Variants in SIL1 observed in about 807,000 individuals in gnomAD.
The protein encoded by SIL1 is SIL1 nucleotide exchange factor, also known as nucleotide exchange factor SIL1.
A neutral mutation model predicts 49.1 loss-of-function variants in SIL1; 40 were observed. That is an observed-to-expected ratio of 0.81 (90% CI 0.63 to 1.06). The LOEUF (loss-of-function observed/expected upper bound fraction) is 1.06. Ranked by LOEUF, SIL1 falls within the 50% of genes least tolerant of loss-of-function variation. The pLI is 0.00. For synonymous variants in SIL1, 253 were observed against 250.8 expected, an observed-to-expected ratio of 1.01 and a Z score of -0.08; for missense variants, 500 against 572.6, an observed-to-expected ratio of 0.87 and a Z score of 1.29.
At chr5:139,158,006 G>A (rs13156102) in intron 1 of SIL1, among the ~76,000 whole-genome samples, 60,130 of 151,884 alleles carry the variant, frequency 0.4, 12,938 homozygotes, top group South Asian at 0.51. Context: ...CTGATTTTTC[G>A]TCAGTATCCC....
In SIL1 at chr5:138,947,148, G is replaced by A; in HGVS notation, c.1355C>T (p.Ser452Phe). ...CAGCTCCTTCAGCAAGCTGTTGACAGAGCCCAGCAGCTCCTGGAAGTAGCC... is the reference window on the plus strand; with the variant it reads ...CAGCTCCTTCAGCAAGCTGTTGACAAAGCCCAGCAGCTCCTGGAAGTAGCC... ...DEGYFQELLG[S>F]VNSLLKELR The change falls in exon 10 of 10, where the codon TCT (serine) becomes TTT (phenylalanine). Residue 452 changes from serine to phenylalanine, a missense_variant. Transcript: ENST00000394817. This position sits in a 1 kb window ranked among gnomAD's most constrained non-coding sequence, Gnocchi z 4.1. 6.2e-7 allele frequency: 1 copy of A among 1,613,598 alleles called. No individual in the cohort carries two copies. Among genetic ancestry groups the A allele is most frequent in the Non-Finnish European group, 8.5e-7 (1 of 1,179,828 alleles).
chr5:139,011,258 G>A (rs1468316098), intron 7 of SIL1, among the ~76,000 whole-genome samples: 1 of 151,732 alleles, frequency 6.6e-6, no homozygotes, highest in Non-Finnish European at 1.5e-5. Flanking sequence ...TCTTTGACTC[G>A]GAAAGGGAAC....
chr5:139,096,705 C>T (rs2151779712), intron 3 of SIL1, among the ~76,000 whole-genome samples: 1 of 152,022 alleles, frequency 6.6e-6, no homozygotes, highest in African/African-American at 2.4e-5. Context: ...CACACCCTGG[C>T]CAAAAGGGAA....
chr5:138,991,227 C>T (rs371210956), intron 7 of SIL1, among the ~76,000 whole-genome samples: 13 of 152,238 alleles, frequency 8.5e-5, no homozygotes, highest in African/African-American at 2.7e-4. Context: ...AATCTTTTCC[C>T]AGCAGCCTGG....
At chr5:138,952,148 G>A (rs1390724621) in intron 7 of SIL1, among the ~76,000 whole-genome samples, 1 of 152,230 alleles carries the variant, frequency 6.6e-6, no homozygotes, top group African/African-American at 2.4e-5. Context: ...GAGTGGGCTG[G>A]GAAGGTGAAC....
At chr5:139,035,178 G>GT (rs760629149) in intron 5 of SIL1, 25 of 383,880 alleles carry the variant, frequency 6.5e-5, no homozygotes, top group Non-Finnish European at 1.3e-4. Context: ...CTGCACCACT[G>GT]TTGATGTCAT....
intron 7 of SIL1, among the ~76,000 whole-genome samples, chr5:138,993,578 C>T (rs909835473): frequency 9.9e-5 from 15 of 152,254 alleles, no homozygotes; most frequent in African/African-American, 2.9e-4. Context: ...GATTACACTA[C>T]GTAAGACGGT....
chr5:139,008,852 T>C (rs1768183775), intron 7 of SIL1, among the ~76,000 whole-genome samples: 1 of 152,220 alleles, frequency 6.6e-6, no homozygotes, highest in Non-Finnish European at 1.5e-5. Flanking sequence ...TCTGTTCTTT[T>C]ACATTTGCTG....
chr5:139,075,013 T>C (rs1444524524), intron 3 of SIL1, among the ~76,000 whole-genome samples: 1 of 152,058 alleles, frequency 6.6e-6, no homozygotes, highest in Non-Finnish European at 1.5e-5. Flanking sequence ...TTAGTAGAGA[T>C]GGGGTTTCAC....
intron 7 of SIL1, among the ~76,000 whole-genome samples, chr5:138,995,403 C>T (rs1436111872): frequency 6.6e-6 from 1 of 152,034 alleles, no homozygotes; most frequent in Non-Finnish European, 1.5e-5. Flanking sequence ...CACCACCACG[C>T]CTGGCTAATT....
intron 2 of SIL1, 63 bp from the exon 3 acceptor site, chr5:139,121,236 A>T: frequency 6.2e-7 from 1 of 1,611,060 alleles, no homozygotes; most frequent in Non-Finnish European, 8.5e-7. Context: ...CAGAAAAAAA[A>T]TGGCCTAGGG....
chr5:138,996,913 G>C (rs114306518), intron 7 of SIL1, among the ~76,000 whole-genome samples: 592 of 152,192 alleles, frequency 3.9e-3, no homozygotes, highest in African/African-American at 0.014. Context: ...TCTTTGCCCA[G>C]AACAATGTCC....
chr5:139,122,489 G>T (rs1483854505), intron 2 of SIL1, among the ~76,000 whole-genome samples: 1 of 152,006 alleles, frequency 6.6e-6, no homozygotes, highest in Non-Finnish European at 1.5e-5. Flanking sequence ...CAGCTACTTG[G>T]GCGGCTGAGG....
chr5:139,167,703 C>A (rs1432663250), intron 1 of SIL1, among the ~76,000 whole-genome samples: 1 of 152,110 alleles, frequency 6.6e-6, no homozygotes, highest in Admixed American at 6.6e-5. Flanking sequence ...CCTAAGTGTA[C>A]AGTGTTTATA....
At chr5:139,056,581 G>T (rs1263205206) in intron 3 of SIL1, among the ~76,000 whole-genome samples, 3 of 145,434 alleles carry the variant, frequency 2.1e-5, no homozygotes, top group African/African-American at 5.1e-5. Flanking sequence ...CAGCCGCCCC[G>T]TCCGGGAGGG....
intron 1 of SIL1, among the ~76,000 whole-genome samples, chr5:139,145,254 T>C (rs902131996): frequency 2.6e-5 from 4 of 152,272 alleles, no homozygotes; most frequent in Non-Finnish European, 5.9e-5. Context: ...TAGTCATCAT[T>C]AGAGAAATGC....
At chr5:139,087,687 T>C (rs545196035) in intron 3 of SIL1, among the ~76,000 whole-genome samples, 1 of 151,928 alleles carries the variant, frequency 6.6e-6, no homozygotes, top group Non-Finnish European at 1.5e-5. Context: ...GAGAAGACAA[T>C]AGAGGAGGTG....
intron 7 of SIL1, among the ~76,000 whole-genome samples, chr5:138,954,724 G>A (rs1252354735): frequency 6.6e-6 from 1 of 152,248 alleles, no homozygotes; most frequent in Non-Finnish European, 1.5e-5. Flanking sequence ...ACAGCCTGGG[G>A]CTGGGGGAGG....
chr5:139,041,818 C>CAAAAAAAAAAAAAA (rs536666463), intron 5 of SIL1, among the ~76,000 whole-genome samples: 2 of 86,354 alleles, frequency 2.3e-5, no homozygotes, highest in Non-Finnish European at 2.7e-5. Context: ...AACTCAAAAA[C>CAAAAAAAAAAAAAA]AAAAAAAAAA....
Sources: allele counts gnomAD v4.1 joint callset (sites outside exome capture counted in the v4.1 genomes callset), GRCh38; gene constraint gnomAD v4.1.1; non-coding constraint Gnocchi (gnomAD v3.1); transcripts MANE v1.5; gene names NCBI Gene and HGNC (gene_info 2026-07-23, HGNC 2026-07-21).